The following ZNF536 variants were observed in gnomAD, a reference collection of about 807,000 sequenced individuals.
The protein encoded by ZNF536 is zinc finger protein 536.
In ZNF536, 13 loss-of-function variants were observed where a neutral mutation model predicts 84.5. That is an observed-to-expected ratio of 0.15 (90% CI 0.10 to 0.24). The LOEUF is 0.24. Among genes scored for constraint, ZNF536 ranks in the 10% least tolerant of loss-of-function variants. The probability of loss-of-function intolerance (pLI) is 1.00; values close to 1 mark genes in which losing one functional copy is unlikely to be tolerated. For synonymous variants in ZNF536, 811 were observed against 742.5 expected, an observed-to-expected ratio of 1.09 and a Z score of -1.50; for missense variants, 1,536 against 1,747.5, an observed-to-expected ratio of 0.88 and a Z score of 2.16.
chr19:30,696,061 A>T (rs749352619), intron 1 of ZNF536, among the ~76,000 whole-genome samples: 2 of 152,226 alleles, frequency 1.3e-5, no homozygotes, highest in Non-Finnish European at 2.9e-5. Context: ...AATTGGTTAA[A>T]AACTTAAAAA....
intron 2 of ZNF536, among the ~76,000 whole-genome samples, chr19:30,488,554 AT>A (rs1457675325): frequency 4.2e-4 from 60 of 141,522 alleles, no homozygotes; most frequent in African/African-American, 1.7e-3. Context: ...TTATTTAGCT[AT>A]TTTTTTAATT....
At chr19:30,465,543 G>A (rs2053346908) in intron 2 of ZNF536, among the ~76,000 whole-genome samples, 1 of 152,204 alleles carries the variant, frequency 6.6e-6, no homozygotes, top group African/African-American at 2.4e-5. Context: ...ACCCACGGCA[G>A]TGCCTGGCAC....
At chr19:30,388,925 C>T (rs1600517890) in intron 1 of ZNF536, among the ~76,000 whole-genome samples, 1 of 152,324 alleles carries the variant, frequency 6.6e-6, no homozygotes, top group Middle Eastern at 3.4e-3. Flanking sequence ...AGCTGACCAA[C>T]TGCAGAGGGC....
chr19:30,505,622 T>C (rs1056335508), intron 2 of ZNF536, among the ~76,000 whole-genome samples: 4 of 152,086 alleles, frequency 2.6e-5, no homozygotes, highest in Non-Finnish European at 4.4e-5. Flanking sequence ...GAGGAAACTA[T>C]GACTCCTTTA....
rs545973424 is a variant in ZNF536, at chr19:30,424,485, C to A, written c.-2-19076C>A. Among the ~76,000 whole-genome samples, 3 of 152,292 alleles carry A rather than the reference C, an allele frequency of 2.0e-5. No individual in the cohort carries two copies. In the East Asian group the frequency reaches 5.8e-4, roughly 29 times the overall value. On this transcript the variant is annotated intron_variant, in intron 1 of 4. Transcript: ENST00000355537. The stretch of plus-strand genomic sequence containing the variant: ...AGCACAGGTAACACAGTCTGCTGAG[C>A]ACACAGGGATCTGAGTGTGGGTAAC...
At chr19:30,606,968 G>C (rs759399696) in intron 1 of ZNF536, among the ~76,000 whole-genome samples, 1 of 152,130 alleles carries the variant, frequency 6.6e-6, no homozygotes, top group Non-Finnish European at 1.5e-5. Context: ...GGAGGGGAAA[G>C]GGAGGATGTC....
At chr19:30,634,203 G>A (rs1460565057) in intron 1 of ZNF536, among the ~76,000 whole-genome samples, 1 of 152,148 alleles carries the variant, frequency 6.6e-6, no homozygotes, top group Non-Finnish European at 1.5e-5. Flanking sequence ...CTTAAGGCGC[G>A]GTGCTGGCTT....
intron 1 of ZNF536, among the ~76,000 whole-genome samples, chr19:30,657,489 T>C (rs921433383): frequency 1.3e-5 from 2 of 152,234 alleles, no homozygotes; most frequent in African/African-American, 2.4e-5. Flanking sequence ...TTCCTGCCAC[T>C]GCTCCGACAA....
At chr19:30,458,088 G>A (rs1220919550) in intron 2 of ZNF536, among the ~76,000 whole-genome samples, 4 of 152,148 alleles carry the variant, frequency 2.6e-5, no homozygotes, top group Non-Finnish European at 4.4e-5. Flanking sequence ...ATTTTCTCAC[G>A]TTAAAGGAAA....
At chr19:30,513,500 G>A (rs1187905992) in intron 2 of ZNF536, among the ~76,000 whole-genome samples, 1 of 152,104 alleles carries the variant, frequency 6.6e-6, no homozygotes, top group Non-Finnish European at 1.5e-5. Flanking sequence ...CTGTGACATT[G>A]GTGTCATTCA....
chr19:30,474,282 C>T (rs1489221990), intron 2 of ZNF536, among the ~76,000 whole-genome samples: 1 of 152,064 alleles, frequency 6.6e-6, no homozygotes. Context: ...ATCCTGCAAG[C>T]TGGGACCAGC....
intron 1 of ZNF536, among the ~76,000 whole-genome samples, chr19:30,614,838 G>A (rs2048225008): frequency 6.7e-6 from 1 of 148,562 alleles, no homozygotes; most frequent in Non-Finnish European, 1.5e-5. Context: ...TGAGGTTTTA[G>A]GATTTTTATG....
intron 1 of ZNF536, among the ~76,000 whole-genome samples, chr19:30,586,203 T>C (rs184882391): frequency 2.0e-5 from 3 of 152,322 alleles, no homozygotes; most frequent in African/African-American, 7.2e-5. Flanking sequence ...CCAAGTCTCG[T>C]TAATGTGAAT....
chr19:30,471,529 T>A (rs1259948054), intron 2 of ZNF536, among the ~76,000 whole-genome samples: 4 of 152,180 alleles, frequency 2.6e-5, no homozygotes, highest in African/African-American at 9.7e-5. Context: ...AATTGTCAGA[T>A]CACCCAGATG....
chr19:30,428,679 G>A (rs2051318454), intron 1 of ZNF536, among the ~76,000 whole-genome samples: 1 of 152,050 alleles, frequency 6.6e-6, no homozygotes, highest in Non-Finnish European at 1.5e-5. Context: ...GGTGGGGGTG[G>A]GGGAAGATGT....
In ZNF536 at chr19:30,259,280, C is replaced by G. The variant is rs187730713; in HGVS notation, c.-189-24792C>G. Among the ~76,000 whole-genome samples the G allele has an allele frequency of 6.8e-4, 103 of 152,322 alleles. 3 individuals are homozygous for G. Among genetic ancestry groups the G allele is most frequent in the Admixed American group, 5.2e-3 (79 of 15,304 alleles). On this transcript the variant is annotated intron_variant, in intron 1 of 5. Coordinates refer to the ZNF536 transcript ENST00000585628. ...CTTTAAAGAGAAAAGACCTCACACT[C>G]TTCTGATGATCAAAAATTTCACACT... is the stretch of plus-strand genomic sequence containing the variant.
At chr19:30,621,147 C>G (rs1317082961) in intron 1 of ZNF536, among the ~76,000 whole-genome samples, 1 of 151,988 alleles carries the variant, frequency 6.6e-6, no homozygotes, top group African/African-American at 2.4e-5. Context: ...ATCTAACATA[C>G]TTGCTTGGCA....
chr19:30,263,566 T>G (rs1029687440), intron 1 of ZNF536, among the ~76,000 whole-genome samples: 11 of 152,180 alleles, frequency 7.2e-5, no homozygotes, highest in African/African-American at 2.4e-4. Context: ...AAAGGTGATC[T>G]CATTCGCAAC....
At chr19:30,293,131 T>A (rs752952614) in intron 2 of ZNF536, among the ~76,000 whole-genome samples, 2 of 152,064 alleles carry the variant, frequency 1.3e-5, no homozygotes, top group African/African-American at 2.4e-5. Flanking sequence ...CTCTCCCATC[T>A]CCCAGAGGCT....
Sources: gnomAD v4.1 joint callset for allele counts (sites outside exome capture counted in the v4.1 genomes callset) on GRCh38, gnomAD v4.1.1 for gene constraint, MANE v1.5 for transcripts, NCBI Gene and HGNC (gene_info 2026-07-23, HGNC 2026-07-21) for gene names.